The following FER variants were observed in gnomAD, a reference collection of about 807,000 sequenced individuals.
FER encodes the protein tyrosine-protein kinase Fer.
A neutral mutation model predicts 111.0 loss-of-function variants in FER; 63 were observed. That is an observed-to-expected ratio of 0.57 (90% confidence interval 0.46 to 0.70). The LOEUF is 0.70. FER is among the 30% of genes least tolerant of loss of function. The pLI is 0.00. For synonymous variants in FER, 327 were observed against 313.9 expected (o/e 1.04, Z -0.44); for missense variants, 914 against 954.0 (o/e 0.96, Z 0.55).
At chr5:108,945,482 C>G (rs1756862837) in intron 10 of FER, among the ~76,000 whole-genome samples, 1 of 151,960 alleles carries the variant, frequency 6.6e-6, no homozygotes, top group African/African-American at 2.4e-5. Flanking sequence ...CAGAAATACA[C>G]ATTGTGTGGC....
intron 2 of FER, among the ~76,000 whole-genome samples, chr5:108,796,133 G>C (rs181093027): frequency 1.6e-3 from 244 of 152,282 alleles, no homozygotes; most frequent in African/African-American, 5.7e-3. Context: ...ACTTGTAGGG[G>C]CACTGCCTTT....
intron 14 of FER, among the ~76,000 whole-genome samples, chr5:109,041,152 A>T (rs1189121501): frequency 5.3e-5 from 8 of 152,168 alleles, no homozygotes; most frequent in African/African-American, 1.9e-4. Context: ...GTGTTCATGA[A>T]TTTAAAGTTA....
At chr5:109,123,424 G>C (rs1751269134) in intron 17 of FER, among the ~76,000 whole-genome samples, 1 of 151,560 alleles carries the variant, frequency 6.6e-6, no homozygotes, top group Admixed American at 6.6e-5. Context: ...CAAAGTGCTG[G>C]GATTACAGGT....
At chr5:108,771,880 C>G (rs901171253) in intron 2 of FER, among the ~76,000 whole-genome samples, 1 of 152,044 alleles carries the variant, frequency 6.6e-6, no homozygotes, top group African/African-American at 2.4e-5. Flanking sequence ...ATAACCATAA[C>G]ATTAAGAATG....
chr5:109,098,753 T>C (rs891169120), intron 16 of FER, among the ~76,000 whole-genome samples: 2 of 151,688 alleles, frequency 1.3e-5, no homozygotes, highest in Non-Finnish European at 3.0e-5. Flanking sequence ...ATCATCCTGG[T>C]AATTTAATAT....
chr5:108,950,430 A>T (rs1438633923), intron 11 of FER, among the ~76,000 whole-genome samples: 1 of 151,058 alleles, frequency 6.6e-6, no homozygotes, highest in Non-Finnish European at 1.5e-5. Flanking sequence ...TAGGTGAAGT[A>T]TTTTTTTTTG....
chr5:108,896,082 C>T (rs1044883351), intron 9 of FER, among the ~76,000 whole-genome samples: 20 of 151,828 alleles, frequency 1.3e-4, no homozygotes, highest in Admixed American at 3.9e-4. Flanking sequence ...ACTGATATTC[C>T]GGAAGTACAT....
chr5:109,085,802 T>C (rs1777502507), intron 16 of FER, among the ~76,000 whole-genome samples: 1 of 151,810 alleles, frequency 6.6e-6, no homozygotes, highest in Non-Finnish European at 1.5e-5. Context: ...CTGTATCTAT[T>C]GATACGATTA....
In FER at chr5:109,059,880, A is replaced by G. The variant is rs118177519; in HGVS notation, c.1924+12682A>G. On this transcript the variant is annotated intron_variant, in intron 16 of 19. Transcript: ENST00000281092. Reference sequence around the variant, plus strand: ...CTGTCCGTGCAAATACTTGTATGTAAATGATTATAGAAGCATCATTTATAA... The same window carrying G: ...CTGTCCGTGCAAATACTTGTATGTAGATGATTATAGAAGCATCATTTATAA... Among the ~76,000 whole-genome samples, 256 of 152,356 alleles carry G rather than the reference A, an allele frequency of 1.7e-3. 5 individuals are homozygous for G. The East Asian group carries it at 0.042, about 25-fold the overall frequency.
chr5:108,796,258 G>A (rs1756004416), intron 2 of FER, among the ~76,000 whole-genome samples: 2 of 152,170 alleles, frequency 1.3e-5, no homozygotes, highest in Admixed American at 1.3e-4. Context: ...GTCACCTGGA[G>A]CAGGGGATGG....
rs1434457091 is a variant in FER, at chr5:108,867,892, A to G, written c.607A>G (p.Thr203Ala). ...CCATCAGAATCAGTATTATGATATC[A>G]CACTTCCCCTGCTTCTGGACTCCTT... is the stretch of plus-strand genomic sequence containing the variant. ...QLHQNQYYDI[T>A]LPLLLDSLQK... Residue 203 changes from threonine (T) to alanine (A), a missense_variant, in exon 6 of 20, where the codon ACA (threonine) becomes GCA (alanine). Around this residue, in one of 3 missense-constraint regions of FER, gnomAD observed 774 missense variants for 782.6 expected, o/e 0.99. Coordinates refer to ENST00000281092, the MANE Select transcript of FER (RefSeq NM_005246.4). 2 of 1,613,232 alleles carry G rather than the reference A, an allele frequency of 1.2e-6. No individual in the cohort carries two copies. Among genetic ancestry groups the G allele is most frequent in the Admixed American group, 3.3e-5 (2 of 59,934 alleles).
intron 13 of FER, among the ~76,000 whole-genome samples, chr5:108,977,873 G>T (rs1455306615): frequency 6.6e-6 from 1 of 152,086 alleles, no homozygotes; most frequent in African/African-American, 2.4e-5. Flanking sequence ...TTTAGATGGA[G>T]TCTCACTATG....
intron 13 of FER, among the ~76,000 whole-genome samples, chr5:108,965,175 A>G (rs1205667235): frequency 6.6e-6 from 1 of 152,198 alleles, no homozygotes; most frequent in African/African-American, 2.4e-5. Context: ...TGTTCTTTTT[A>G]GGAAATTTAT....
At chr5:109,125,221 A>C (rs1751560030) in intron 17 of FER, among the ~76,000 whole-genome samples, 2 of 152,224 alleles carry the variant, frequency 1.3e-5, no homozygotes, top group East Asian at 3.9e-4. Flanking sequence ...TACATACATT[A>C]GAACTCTTTA....
intron 17 of FER, among the ~76,000 whole-genome samples, chr5:109,124,093 A>G (rs1751361922): frequency 6.6e-6 from 1 of 152,024 alleles, no homozygotes; most frequent in Non-Finnish European, 1.5e-5. Context: ...GCAGGGCATG[A>G]TGGTGTGTGT....
At chr5:108,855,618 A>G (rs1047984214) in intron 5 of FER, among the ~76,000 whole-genome samples, 1 of 151,784 alleles carries the variant, frequency 6.6e-6, no homozygotes, top group African/African-American at 2.4e-5. Context: ...AAAGAATACA[A>G]AAGACCAATG....
intron 17 of FER, among the ~76,000 whole-genome samples, chr5:109,170,219 T>C (rs1434673885): frequency 2.0e-5 from 3 of 152,208 alleles, no homozygotes; most frequent in Non-Finnish European, 4.4e-5. Flanking sequence ...TAGAAAAAAA[T>C]GCATATTTTA....
chr5:108,815,281 A>AT (rs1232604677), intron 3 of FER, among the ~76,000 whole-genome samples: 4 of 151,980 alleles, frequency 2.6e-5, no homozygotes, highest in Non-Finnish European at 5.9e-5. Context: ...TATATTATAT[A>AT]TTTTTGTTAT....
chr5:108,894,637 T>C (rs990144489), intron 9 of FER: 2 of 301,234 alleles, frequency 6.6e-6, no homozygotes, highest in Non-Finnish European at 1.3e-5. Context: ...AGCGTGGTGC[T>C]GGTCCTGCGG....
Sources: allele counts gnomAD v4.1 joint callset (sites outside exome capture counted in the v4.1 genomes callset), GRCh38; gene constraint gnomAD v4.1.1; regional missense constraint gnomAD v4.1.1; transcripts MANE v1.5; gene names NCBI Gene and HGNC (gene_info 2026-07-23, HGNC 2026-07-21).